NEB: variants seen among roughly 807,000 people sequenced by gnomAD.
The protein encoded by NEB is nemaline myopathy type 2.
A neutral mutation model predicts 952.2 loss-of-function variants in NEB; 512 were observed. The observed-to-expected ratio is 0.54, with a 90% CI of 0.50 to 0.58. NEB has a LOEUF of 0.58. Among genes scored for constraint, NEB ranks in the 20% least tolerant of loss-of-function variants. The pLI is 0.00. For missense variants in NEB, 8,428 were observed against 9,231.1 expected, an observed-to-expected ratio of 0.91 and a Z score of 3.56; for synonymous variants, 2,900 against 3,149.8, an observed-to-expected ratio of 0.92 and a Z score of 2.66.
intron 162 of NEB, chr2:151,507,797 G>A (rs565869762): frequency 2.6e-5 from 14 of 529,650 alleles, no homozygotes; most frequent in Non-Finnish European, 4.4e-5. Flanking sequence ...TACCACCAAC[G>A]AAGTAACAGA....
At chr2:151,552,573 A>G in intron 128 of NEB, 99 bp downstream of exon 128, 1 of 754,260 alleles carries the variant, frequency 1.3e-6, no homozygotes. Context: ...CCCAGTTAGA[A>G]AAGACTTGGC....
rs948810517 is a variant in NEB at position 151,701,715 on chromosome 2, C to G, written c.1153-4067G>C. Among the ~76,000 whole-genome samples the G allele has an allele frequency of 8.2e-4, 123 of 150,216 alleles. 2 individuals are homozygous for G. Among genetic ancestry groups the G allele is most frequent in the African/African-American group, 2.8e-3 (112 of 40,706 alleles). On this transcript the variant is annotated intron_variant, in intron 13 of 181. Transcript: ENST00000397345. ...TTCTGTGGGATCGGTGGTGATATCC[C>G]CTTTATCATTTTTTATTGTGTCTAT... is the stretch of plus-strand genomic sequence containing the variant.
At chr2:151,676,346 A>G (rs918987783) in intron 34 of NEB, among the ~76,000 whole-genome samples, 14 of 152,148 alleles carry the variant, frequency 9.2e-5, no homozygotes, top group African/African-American at 3.4e-4. Flanking sequence ...GCTTCAGTCC[A>G]ATTAAGCCTT....
Position 151,516,589 on chromosome 2 carries a change from A to G in NEB, c.22801-26T>C, listed in dbSNP as rs372092324. On this transcript the variant is annotated intron_variant, in intron 156 of 181. Coordinates refer to ENST00000397345, the MANE Select transcript of NEB (RefSeq NM_001164508.2). ...CTGGTGATAGAAAGCCATGTTAGAT[A>G]TCTCTCCTCTGGTCAATTCCTAGAC... The G allele has an allele frequency of 6.2e-6, 9 of 1,442,810 alleles. No individual in the cohort carries two copies. The East Asian group carries it at 9.1e-5, about 15-fold the overall frequency. 89.4% of individuals were successfully genotyped at this position (1,442,810 alleles called of 1,614,324 possible). A position where few individuals can be genotyped will look rare whatever the true frequency, so the allele number is the denominator to read the frequency against.
At chr2:151,654,167 A>G in intron 51 of NEB, 68 bp from the exon 52 acceptor site, 1 of 927,864 alleles carries the variant, frequency 1.1e-6, no homozygotes, top group Non-Finnish European at 1.6e-6. Context: ...TTATTAGGGA[A>G]AAGTTTACCT....
chr2:151,572,471 GAATA>G (rs1466994317), intron 107 of NEB, among the ~76,000 whole-genome samples: 1 of 144,182 alleles, frequency 6.9e-6, no homozygotes, highest in African/African-American at 2.5e-5. Context: ...TTATGAGATT[GAATA>G]TATATATTGA....
Position 151,697,617 on chromosome 2 carries a change from T to G in NEB, c.1184A>C (p.Lys395Thr). 6.2e-7 allele frequency: 1 copy of G among 1,611,134 alleles called. No individual in the cohort carries two copies. The highest frequency in any genetic ancestry group is 8.5e-7 in the Non-Finnish European group (1 of 1,179,312). The change falls in exon 14 of 182, where the codon AAA becomes ACA. Residue 395 changes from lysine (K) to threonine (T), a missense_variant. By Grantham distance (78) the Lys-to-Thr change is moderately conservative. Transcript: ENST00000397345. ...KLYKENYEKTKAKSINYCETP... is the reference protein window; with the variant it reads ...KLYKENYEKTTAKSINYCETP... ...CTCGCAGTAATTTATGCTCTTTGCTTTTGTCTTTTCATAGTTTTCCTTGTA... is the reference window on the plus strand; with the variant it reads ...CTCGCAGTAATTTATGCTCTTTGCTGTTGTCTTTTCATAGTTTTCCTTGTA...
Position 151,662,292 on chromosome 2 carries a change from A to G in NEB, c.5813T>C (p.Leu1938Pro), listed in dbSNP as rs774089911. 1 of 1,613,634 alleles carries G rather than the reference A, an allele frequency of 6.2e-7. No homozygotes were observed. The highest frequency in any genetic ancestry group is 8.5e-7 in the Non-Finnish European group (1 of 1,179,670). The change falls in exon 46 of 182, where the codon CTC (leucine) becomes CCC (proline). Residue 1938 changes from leucine to proline, a missense_variant. Coordinates refer to ENST00000397345, the MANE Select transcript of NEB (RefSeq NM_001164508.2). ...YADFMKGIGW[L>P]PLGSLEAEKN... The stretch of plus-strand genomic sequence containing the variant: ...CTCTGCTTCCAGGGAGCCCAGAGGG[A>G]GCCATCCAATGCCCTTCATGAAGTC...
At chr2:151,610,401 G>A in intron 80 of NEB, 115 bp downstream of exon 80, 2 of 802,524 alleles carry the variant, frequency 2.5e-6, no homozygotes, top group Non-Finnish European at 4.1e-6. Context: ...TGAGAGGTAG[G>A]AAGTAGGACT....
intron 75 of NEB, 21 bp from the exon 76 acceptor site, chr2:151,616,130 A>G: frequency 2.0e-6 from 3 of 1,471,234 alleles, no homozygotes; most frequent in Non-Finnish European, 2.8e-6. Context: ...GAAAGTCATT[A>G]CTCATTTACT....
At chr2:151,577,187 T>C (rs2153816549) in intron 105 of NEB, among the ~76,000 whole-genome samples, 1 of 152,300 alleles carries the variant, frequency 6.6e-6, no homozygotes, top group African/African-American at 2.4e-5. Context: ...ATCCTATGGC[T>C]TCCCATCGGT....
intron 3 of NEB, among the ~76,000 whole-genome samples, chr2:151,732,920 A>G (rs2099812415): frequency 6.6e-6 from 1 of 152,208 alleles, no homozygotes; most frequent in Non-Finnish European, 1.5e-5. Context: ...AGTGGGAAAC[A>G]GTGATATTTC....
At chr2:151,659,773 A>C (rs1315577320) in intron 46 of NEB, among the ~76,000 whole-genome samples, 6 of 152,226 alleles carry the variant, frequency 3.9e-5, no homozygotes, top group Non-Finnish European at 7.3e-5. Flanking sequence ...ATATACATGA[A>C]GTCATGTTCT....
chr2:151,658,243 A>T (rs2099108050), intron 47 of NEB, among the ~76,000 whole-genome samples, 153 bp from the exon 48 acceptor site: 1 of 152,216 alleles, frequency 6.6e-6, no homozygotes, highest in Admixed American at 6.5e-5. Context: ...TACAAGTAAC[A>T]TAACTGTGTT....
Position 151,547,666 on chromosome 2 carries a change from G to T in NEB, c.20230C>A (p.Gln6744Lys), listed in dbSNP as rs766890449. 2.5e-6 allele frequency: 4 copies of T among 1,613,622 alleles called. No homozygotes were observed. The highest frequency in any genetic ancestry group is 2.5e-6 in the Non-Finnish European group (3 of 1,179,804). The change falls in exon 132 of 182, where the codon CAA becomes AAA. Residue 6744 changes from glutamine to lysine, a missense_variant. Transcript: ENST00000397345. ...HTTPDTPEIR[Q>K]VKKTQEAVSE... Reference sequence around the variant, plus strand: ...ACAGCCTCTTGTGTCTTCTTGACTTGGCGGATCTCAGGGGTATCGGGAGTT... The same window carrying T: ...ACAGCCTCTTGTGTCTTCTTGACTTTGCGGATCTCAGGGGTATCGGGAGTT...
chr2:151,726,472 T>G (rs1465653110), intron 5 of NEB, among the ~76,000 whole-genome samples: 1 of 152,206 alleles, frequency 6.6e-6, no homozygotes, highest in Non-Finnish European at 1.5e-5. Context: ...TAAACTTTAG[T>G]CTTATATAAT....
chr2:151,622,904 T>C (rs2098447012), intron 71 of NEB, among the ~76,000 whole-genome samples: 1 of 152,248 alleles, frequency 6.6e-6, no homozygotes, highest in African/African-American at 2.4e-5. Flanking sequence ...CTCTAGTTTA[T>C]TTCTTCACCT....
intron 181 of NEB, among the ~76,000 whole-genome samples, chr2:151,488,540 G>A (rs139216819): frequency 6.6e-6 from 1 of 151,898 alleles, no homozygotes; most frequent in African/African-American, 2.4e-5. Context: ...TAGCTATTCT[G>A]GTGGCTGAGG....
chr2:151,516,505 G>A lies in NEB; in HGVS notation c.22859C>T (p.Thr7620Ile). 1 of 1,613,588 alleles carries A rather than the reference G, an allele frequency of 6.2e-7. No homozygotes were observed. The highest frequency in any genetic ancestry group is 8.5e-7 in the Non-Finnish European group (1 of 1,179,666). ...CTCTTTGGCAGTGATGTACGTTGGT[G>A]TTTCAAAGTCCAGCATGGGTTTTCC... ...ERGKPMLDFE[T>I]PTYITAKESQ... Residue 7620 changes from threonine to isoleucine, a missense_variant, in exon 157 of 182, where the codon ACA becomes ATA. Around this residue, in one of 11 missense-constraint regions of NEB, gnomAD observed 3,374 missense variants for 3,651.5 expected, o/e 0.92. Transcript: ENST00000397345.
Sources: allele counts gnomAD v4.1 joint callset (sites outside exome capture counted in the v4.1 genomes callset), GRCh38; gene constraint gnomAD v4.1.1; regional missense constraint gnomAD v4.1.1; transcripts MANE v1.5; gene names NCBI Gene and HGNC (gene_info 2026-07-23, HGNC 2026-07-21).